The following CTNND2 variants were observed in gnomAD, a reference collection of about 807,000 sequenced individuals.
The protein encoded by CTNND2 is catenin delta-2.
CTNND2 carries 22 observed loss-of-function variants against 144.4 expected under a neutral mutation model. The observed-to-expected ratio is 0.15, with a 90% CI of 0.11 to 0.22. The LOEUF (loss-of-function observed/expected upper bound fraction) is 0.22, where lower values mean the gene tolerates loss of function less well. Among genes scored for constraint, CTNND2 ranks in the 10% least tolerant of loss-of-function variants. The pLI, the probability that CTNND2 is intolerant of heterozygous loss-of-function variation, is 1.00. For synonymous variants in CTNND2, 751 were observed against 695.6 expected, an observed-to-expected ratio of 1.08 and a Z score of -1.25; for missense variants, 1,353 against 1,618.8, an observed-to-expected ratio of 0.84 and a Z score of 2.82.
chr5:11,798,924 A>T (rs4626339), intron 1 of CTNND2, among the ~76,000 whole-genome samples: 135,824 of 152,240 alleles, frequency 0.89, 62,378 homozygotes, highest in East Asian at 1. Flanking sequence ...TGTGCTCTTT[A>T]TCATATAAAT....
intron 1 of CTNND2, among the ~76,000 whole-genome samples, chr5:11,743,068 T>G (rs566929175): frequency 6.6e-6 from 1 of 152,218 alleles, no homozygotes; most frequent in African/African-American, 2.4e-5. Flanking sequence ...TCGCTTATCA[T>G]AATATAAACA....
chr5:11,576,112 T>G (rs937687237), intron 2 of CTNND2, among the ~76,000 whole-genome samples: 1 of 152,134 alleles, frequency 6.6e-6, no homozygotes, highest in Admixed American at 6.6e-5. Flanking sequence ...TAACAAATCA[T>G]CTTTAATCTG....
intron 3 of CTNND2, among the ~76,000 whole-genome samples, chr5:11,470,135 T>C (rs1013272187): frequency 4.6e-5 from 7 of 152,170 alleles, no homozygotes; most frequent in East Asian, 1.9e-4. Context: ...TTTAGATTTA[T>C]AGAAAAATTG....
At chr5:11,525,473 T>G (rs1411488705) in intron 3 of CTNND2, among the ~76,000 whole-genome samples, 1 of 152,172 alleles carries the variant, frequency 6.6e-6, no homozygotes, top group Non-Finnish European at 1.5e-5. Context: ...ACATTTTGAT[T>G]CAGATCTCAG....
intron 9 of CTNND2, among the ~76,000 whole-genome samples, chr5:11,241,892 A>C (rs1325610076): frequency 1.3e-5 from 2 of 151,824 alleles, no homozygotes; most frequent in Admixed American, 1.3e-4. Context: ...ATACCAGAGG[A>C]GGGAACAGCA....
At chr5:11,604,480 T>A (rs1779954241) in intron 2 of CTNND2, among the ~76,000 whole-genome samples, 1 of 152,224 alleles carries the variant, frequency 6.6e-6, no homozygotes, top group African/African-American at 2.4e-5. Context: ...GCTGATGTCT[T>A]GTGGAGCATG....
intron 15 of CTNND2, among the ~76,000 whole-genome samples, chr5:11,097,474 G>A (rs1042749560): frequency 5.3e-5 from 8 of 152,166 alleles, no homozygotes. Flanking sequence ...TGGGGCAGCG[G>A]CTAGCTCTGT....
At chr5:11,066,993 A>G (rs1189464479) in intron 16 of CTNND2, among the ~76,000 whole-genome samples, 1 of 152,200 alleles carries the variant, frequency 6.6e-6, no homozygotes, top group Admixed American at 6.5e-5. Context: ...ATGCAGCCAT[A>G]TACCAACCCC....
chr5:11,304,165 G>A (rs1355840831), intron 9 of CTNND2, among the ~76,000 whole-genome samples: 1 of 151,556 alleles, frequency 6.6e-6, no homozygotes, highest in Non-Finnish European at 1.5e-5. Flanking sequence ...GTCTTTATCA[G>A]CAGCATGAAA....
In CTNND2 at chr5:11,779,521, C is replaced by T. The variant is rs1790430822; in HGVS notation, c.38-47249G>A. On this transcript the variant is annotated intron_variant, in intron 1 of 21. Transcript: ENST00000304623. Reference sequence around the variant, plus strand: ...GCCCAGCAAGGTGCTGGCATCAGTTCCAAATGTAACATGGGTTATGGCATA... The same window carrying T: ...GCCCAGCAAGGTGCTGGCATCAGTTTCAAATGTAACATGGGTTATGGCATA... Among the ~76,000 whole-genome samples, 5 of 152,120 alleles carry T rather than the reference C, an allele frequency of 3.3e-5. No individual in the cohort carries two copies. In the South Asian group the frequency reaches 1.0e-3, roughly 32 times the overall value.
intron 12 of CTNND2, among the ~76,000 whole-genome samples, chr5:11,138,059 A>T (rs1194432335): frequency 1.3e-5 from 2 of 152,162 alleles, no homozygotes; most frequent in East Asian, 3.9e-4. Flanking sequence ...TACTTGCAGA[A>T]TTTAGTTTGT....
At chr5:11,555,505 C>T (rs1342755362) in intron 3 of CTNND2, among the ~76,000 whole-genome samples, 1 of 152,056 alleles carries the variant, frequency 6.6e-6, no homozygotes, top group African/African-American at 2.4e-5. Context: ...GTAAATGCTC[C>T]TGCTATTCGG....
At chr5:11,894,086 G>A (rs1737204014) in intron 1 of CTNND2, among the ~76,000 whole-genome samples, 1 of 142,452 alleles carries the variant, frequency 7.0e-6, no homozygotes, top group African/African-American at 2.5e-5. Context: ...TAAGAATTCT[G>A]TGCAATTTGT....
At chr5:11,610,326 C>T (rs571192326) in intron 2 of CTNND2, among the ~76,000 whole-genome samples, 237 of 152,292 alleles carry the variant, frequency 1.6e-3, no homozygotes, top group Non-Finnish European at 3.0e-3. Flanking sequence ...GCTTGAAATA[C>T]CCAACATTTC....
chr5:11,473,148 C>A (rs910363833), intron 3 of CTNND2, among the ~76,000 whole-genome samples: 2 of 152,140 alleles, frequency 1.3e-5, no homozygotes, highest in Admixed American at 1.3e-4. Context: ...TGGCAGTCCT[C>A]AAGAGCTAAA....
intron 3 of CTNND2, among the ~76,000 whole-genome samples, chr5:11,533,155 T>C (rs1003383184): frequency 6.6e-6 from 1 of 152,208 alleles, no homozygotes; most frequent in Non-Finnish European, 1.5e-5. Context: ...TTCATATGCA[T>C]AAAAGGTCAG....
chr5:11,346,540 T>C lies in CTNND2; in HGVS notation c.1460A>G (p.Gln487Arg), dbSNP rs1222645423. 5.6e-6 allele frequency: 9 copies of C among 1,604,380 alleles called. No individual in the cohort carries two copies. The highest frequency in any genetic ancestry group is 2.2e-5 in the South Asian group (2 of 89,296). Residue 487 changes from glutamine (Q) to arginine (R), a missense_variant, in exon 9 of 22, where the codon CAG becomes CGG. This residue lies in a region of CTNND2 where 708 missense variants were observed against 706.4 expected (regional missense o/e 1.00). Transcript: ENST00000304623. ...GPQNAAAATF[Q>R]RASYAAGPAS... ...TGGGCCGGCGGCATAGCTGGCCCTCTGGAAGGTGGCCGCGGCGGCATTCTG... is the reference window on the plus strand; with the variant it reads ...TGGGCCGGCGGCATAGCTGGCCCTCCGGAAGGTGGCCGCGGCGGCATTCTG...
intron 3 of CTNND2, among the ~76,000 whole-genome samples, chr5:11,539,243 CTGA>C (rs748162056): frequency 6.6e-6 from 1 of 152,150 alleles, no homozygotes; most frequent in Non-Finnish European, 1.5e-5. Flanking sequence ...GTTACTTGGA[CTGA>C]TGATAGAATA....
chr5:11,490,145 G>C (rs960794773), intron 3 of CTNND2, among the ~76,000 whole-genome samples: 8 of 152,156 alleles, frequency 5.3e-5, no homozygotes, highest in Non-Finnish European at 1.5e-5. Flanking sequence ...TTGCTACACA[G>C]AGCTTGCAAC....
Sources: allele counts gnomAD v4.1 joint callset (sites outside exome capture counted in the v4.1 genomes callset), GRCh38; gene constraint gnomAD v4.1.1; regional missense constraint gnomAD v4.1.1; transcripts MANE v1.5; gene names NCBI Gene and HGNC (gene_info 2026-07-23, HGNC 2026-07-21).